The following VSTM2L variants were observed in gnomAD, a reference collection of about 807,000 sequenced individuals.
VSTM2L encodes the protein V-set and transmembrane domain-containing protein 2-like protein.
A neutral mutation model predicts 19.9 loss-of-function variants in VSTM2L; 9 were observed. That is an observed-to-expected ratio of 0.45 (90% CI 0.27 to 0.79). The LOEUF (loss-of-function observed/expected upper bound fraction) is 0.79, where lower values mean the gene tolerates loss of function less well. Among genes scored for constraint, VSTM2L ranks in the 30% least tolerant of loss-of-function variants. The pLI, the probability that VSTM2L is intolerant of heterozygous loss-of-function variation, is 0.15. For missense variants in VSTM2L, 286 were observed against 295.5 expected (o/e 0.97, Z 0.24); for synonymous variants, 127 against 133.8 (o/e 0.95, Z 0.35).
intron 1 of VSTM2L, among the ~76,000 whole-genome samples, chr20:37,924,591 A>G (rs2072870050): frequency 6.6e-6 from 1 of 152,094 alleles, no homozygotes; most frequent in Non-Finnish European, 1.5e-5. Context: ...TAATAAATAA[A>G]TAAACAAAAC....
At chr20:37,925,435 G>A (rs560914412) in intron 1 of VSTM2L, among the ~76,000 whole-genome samples, 5 of 152,236 alleles carry the variant, frequency 3.3e-5, no homozygotes, top group South Asian at 2.1e-4. Context: ...CAAGTCTGTC[G>A]GCAGAAACAG....
At chr20:37,906,156 G>A (rs922136293) in intron 1 of VSTM2L, among the ~76,000 whole-genome samples, 2 of 152,042 alleles carry the variant, frequency 1.3e-5, no homozygotes, top group Non-Finnish European at 2.9e-5. Flanking sequence ...CAGCCCGGCC[G>A]CCGGGCTCCT....
chr20:37,913,545 T>A (rs979366222), intron 1 of VSTM2L, among the ~76,000 whole-genome samples: 4 of 152,112 alleles, frequency 2.6e-5, no homozygotes, highest in Non-Finnish European at 4.4e-5. Context: ...CAGGAAGAGA[T>A]AATGGGGGAC....
chr20:37,935,733 T>G (rs1033079021), intron 3 of VSTM2L, among the ~76,000 whole-genome samples: 6 of 152,140 alleles, frequency 3.9e-5, no homozygotes, highest in Admixed American at 6.5e-5. Context: ...TGAGGGGTGC[T>G]GGGACTGAGC....
At chr20:37,917,950 T>C (rs564023772) in intron 1 of VSTM2L, among the ~76,000 whole-genome samples, 14 of 152,246 alleles carry the variant, frequency 9.2e-5, no homozygotes, top group Admixed American at 3.3e-4. Context: ...TTTGTTTTAA[T>C]ACAAAAATAA....
chr20:37,944,178 G>A lies in VSTM2L; in HGVS notation c.540G>A (p.Ala180=), dbSNP rs779179793. The A allele has an allele frequency of 1.2e-4, 187 of 1,517,390 alleles. No individual in the cohort carries two copies. Among genetic ancestry groups the A allele is most frequent in the Admixed American group, 4.0e-5 (2 of 49,840 alleles). 94.0% of individuals were successfully genotyped at this position (1,517,390 alleles called of 1,614,324 possible). A position where few individuals can be genotyped will look rare whatever the true frequency, so the allele number is the denominator to read the frequency against. The change falls in exon 4 of 4, where the codon GCG becomes GCA. Residue 180 remains alanine, a synonymous_variant. Coordinates refer to ENST00000373461, the MANE Select transcript of VSTM2L (RefSeq NM_080607.3). ...ATCTGCCCGAAGCCCCTCCCGCCGC[G>A]CCCGCCCCGCCGCCCCCCAAGCCAG... ...VLHLPEAPPA[A]PAPPPPKPGK...
At chr20:37,903,526 C>T in intron 1 of VSTM2L, 55 bp downstream of exon 1, 5 of 1,393,560 alleles carry the variant, frequency 3.6e-6, no homozygotes, top group South Asian at 1.5e-5. Context: ...ACCCGGGCCG[C>T]GCCACTCCAA....
chr20:37,904,419 C>A (rs1262486673), intron 1 of VSTM2L, among the ~76,000 whole-genome samples: 6 of 152,248 alleles, frequency 3.9e-5, no homozygotes, highest in Non-Finnish European at 8.8e-5. Context: ...GCATTCCCAG[C>A]ACTGGCTGGC....
rs1342969904 is a variant in VSTM2L, at chr20:37,921,836, TC to T, written c.122-9797del. Among the ~76,000 whole-genome samples, 192 of 136,106 alleles carry T rather than the reference TC, an allele frequency of 1.4e-3. 1 individual carries two copies. The highest frequency in any genetic ancestry group is 5.5e-3 in the African/African-American group (179 of 32,300). The allele number at this position is 136,106 out of a possible 152,430, so 89.3% of individuals were successfully genotyped here. A position where few individuals can be genotyped will look rare whatever the true frequency, so the allele number is the denominator to read the frequency against. On this transcript the variant is annotated intron_variant, in intron 1 of 3. Coordinates refer to ENST00000373461, the MANE Select transcript of VSTM2L (RefSeq NM_080607.3). ...TCTTTCTCTCTTTCTTTCTTTCTTT[TC>T]CTTTTTTTTTTTTTTTTTTTTTTGA...
At position 37,945,028 on chromosome 20, in the gene VSTM2L, C is replaced by T; in HGVS notation, c.*775C>T. 1 of 985,766 alleles carries T rather than the reference C, an allele frequency of 1.0e-6. No homozygotes were observed. Among genetic ancestry groups the T allele is most frequent in the Non-Finnish European group, 1.2e-6 (1 of 829,930 alleles). 61.1% of individuals were successfully genotyped at this position (985,766 alleles called of 1,614,324 possible). On this transcript the variant is annotated 3_prime_UTR_variant, in exon 4 of 4. Coordinates refer to ENST00000373461, the MANE Select transcript of VSTM2L (RefSeq NM_080607.3). ...AGGCTCTCCCAGGAGTCCCCCTCTGCCGGCCCCCCAATGCCCCAGCTCCCT... is the reference window on the plus strand; with the variant it reads ...AGGCTCTCCCAGGAGTCCCCCTCTGTCGGCCCCCCAATGCCCCAGCTCCCT...
chr20:37,912,108 A>C (rs1023298980), intron 1 of VSTM2L, among the ~76,000 whole-genome samples: 2 of 152,176 alleles, frequency 1.3e-5, no homozygotes, highest in African/African-American at 4.8e-5. Context: ...CCCATTTTAC[A>C]GAGGAGGACA....
chr20:37,922,043 A>C (rs547882720), intron 1 of VSTM2L, among the ~76,000 whole-genome samples: 1 of 149,180 alleles, frequency 6.7e-6, no homozygotes, highest in Non-Finnish European at 1.5e-5. Flanking sequence ...TAAAATATAC[A>C]TAACAGAAAG....
Position 37,944,708 on chromosome 20 carries a change from A to C in VSTM2L, c.*455A>C. ...GACCCCTCCCTGAATATGGACTTGA[A>C]TCTTCTGAGCAGAACTAGGGCCTCT... On this transcript the variant is annotated 3_prime_UTR_variant, in exon 4 of 4. Transcript: ENST00000373461. The C allele has an allele frequency of 1.0e-6, 1 of 990,026 alleles. No individual in the cohort carries two copies. The highest frequency in any genetic ancestry group is 1.2e-6 in the Non-Finnish European group (1 of 833,440). The allele number at this position is 990,026 out of a possible 1,614,324, so 61.3% of individuals were successfully genotyped here.
At chr20:37,932,959 C>G (rs576453499) in intron 2 of VSTM2L, among the ~76,000 whole-genome samples, 3 of 152,294 alleles carry the variant, frequency 2.0e-5, no homozygotes, top group Non-Finnish European at 2.9e-5. Context: ...CTTTGTCTTG[C>G]TCCTGGGGGT....
chr20:37,915,890 C>T (rs80299618), intron 1 of VSTM2L, among the ~76,000 whole-genome samples: 2 of 152,136 alleles, frequency 1.3e-5, no homozygotes, highest in African/African-American at 4.8e-5. Flanking sequence ...TGTCCCTGTC[C>T]GTTGGTCTCT....
intron 3 of VSTM2L, 125 bp downstream of exon 3, chr20:37,933,714 G>A (rs62201733): frequency 5.3e-6 from 5 of 950,712 alleles, no homozygotes; most frequent in Non-Finnish European, 6.3e-6. Context: ...AAAAAGAGAA[G>A]GGAAAAAAAT....
intron 1 of VSTM2L, among the ~76,000 whole-genome samples, chr20:37,912,222 C>A (rs1021548962): frequency 2.0e-5 from 3 of 152,188 alleles, no homozygotes; most frequent in Non-Finnish European, 4.4e-5. Flanking sequence ...TCGTAGCCTG[C>A]GCATCTGTCT....
In VSTM2L at chr20:37,918,810, G is replaced by C. The variant is rs149080531; in HGVS notation, c.122-12825G>C. On this transcript the variant is annotated intron_variant, in intron 1 of 3. Coordinates refer to ENST00000373461, the MANE Select transcript of VSTM2L (RefSeq NM_080607.3). ...GGTCCAAGCAAGTCCCCTTCTCCTG[G>C]TAACCTCCCCTGACTCTCCAGGCAG... Among the ~76,000 whole-genome samples, 340 of 152,150 alleles carry C rather than the reference G, an allele frequency of 2.2e-3. 5 individuals carry two copies. Among genetic ancestry groups the C allele is most frequent in the African/African-American group, 8.0e-3 (330 of 41,504 alleles).
chr20:37,919,789 A>G (rs1378889019), intron 1 of VSTM2L, among the ~76,000 whole-genome samples: 1 of 152,154 alleles, frequency 6.6e-6, no homozygotes, highest in African/African-American at 2.4e-5. Context: ...AGTGGGGGAA[A>G]TTTTGCAGCC....
Sources: gnomAD v4.1 joint callset for allele counts (sites outside exome capture counted in the v4.1 genomes callset) on GRCh38, gnomAD v4.1.1 for gene constraint, MANE v1.5 for transcripts, NCBI Gene and HGNC (gene_info 2026-07-23, HGNC 2026-07-21) for gene names.